KIF6: variants seen among roughly 807,000 people sequenced by gnomAD.
KIF6 encodes kinesin-like protein KIF6.
KIF6 carries 106 observed loss-of-function variants against 112.7 expected under a neutral mutation model. The ratio of observed to expected loss-of-function variants is 0.94; its 90% CI spans 0.80 to 1.11. The LOEUF (loss-of-function observed/expected upper bound fraction) is 1.11, where lower values mean the gene tolerates loss of function less well. KIF6 is among the 50% of genes least tolerant of loss of function. The pLI, the probability that KIF6 is intolerant of heterozygous loss-of-function variation, is 0.00. For synonymous variants in KIF6, 339 were observed against 339.9 expected, an observed-to-expected ratio of 1.00 and a Z score of 0.03; for missense variants, 929 against 964.0, an observed-to-expected ratio of 0.96 and a Z score of 0.48.
At position 39,717,649 on chromosome 6, in the gene KIF6, T is replaced by G. The variant is rs115770027; in HGVS notation, c.177-2883A>C. Among the ~76,000 whole-genome samples the G allele has an allele frequency of 4.4e-3, 674 of 152,240 alleles. 6 individuals are homozygous for G. The highest frequency in any genetic ancestry group is 0.016 in the African/African-American group (657 of 41,536). On this transcript the variant is annotated intron_variant, in intron 2 of 22. Transcript: ENST00000287152. ...TCTCCTCTATCTCCTCCCACTAAAA[T>G]GTAAGCTCCCTAAGAGCAGGAGCTT...
At chr6:39,344,162 G>C (rs143648728) in intron 21 of KIF6, among the ~76,000 whole-genome samples, 1 of 152,124 alleles carries the variant, frequency 6.6e-6, no homozygotes, top group Non-Finnish European at 1.5e-5. Context: ...TACTGTTCTC[G>C]TGGTAGTGAA....
chr6:39,449,125 G>A (rs544235707), intron 13 of KIF6, among the ~76,000 whole-genome samples: 1 of 152,198 alleles, frequency 6.6e-6, no homozygotes, highest in East Asian at 1.9e-4. Flanking sequence ...TTTCTTCTCT[G>A]GACTGTCTCC....
intron 13 of KIF6, among the ~76,000 whole-genome samples, chr6:39,465,544 A>T (rs750167524): frequency 1.3e-5 from 2 of 152,162 alleles, no homozygotes; most frequent in African/African-American, 2.4e-5. Flanking sequence ...CTCATGCCTA[A>T]ACTGCTGCAA....
At chr6:39,455,420 A>G (rs991757097) in intron 13 of KIF6, among the ~76,000 whole-genome samples, 1 of 151,846 alleles carries the variant, frequency 6.6e-6, no homozygotes, top group Non-Finnish European at 1.5e-5. Flanking sequence ...AAGATGGGGA[A>G]AAAACAGAAC....
intron 3 of KIF6, among the ~76,000 whole-genome samples, chr6:39,641,448 A>G (rs1376548919): frequency 6.6e-6 from 1 of 151,932 alleles, no homozygotes. Context: ...GAACATGAGA[A>G]CACATGGACA....
At chr6:39,383,736 T>C (rs1484398731) in intron 16 of KIF6, among the ~76,000 whole-genome samples, 1 of 152,238 alleles carries the variant, frequency 6.6e-6, no homozygotes, top group African/African-American at 2.4e-5. Flanking sequence ...GCATTGAAAC[T>C]GTAGATTGTT....
At position 39,540,346 on chromosome 6, in the gene KIF6, C is replaced by T. The variant is rs1260278107; in HGVS notation, c.1427-125G>A. ...TCATGTGGTAAAGACTGAAGGAAGG[C>T]TTCAACTTCCTGAAGCCCCATATAT... On this transcript the variant is annotated intron_variant, in intron 12 of 22. Coordinates refer to ENST00000287152, the MANE Select transcript of KIF6 (RefSeq NM_145027.6). 5 of 648,308 alleles carry T rather than the reference C, an allele frequency of 7.7e-6. No homozygotes were observed. The African/African-American group carries it at 9.1e-5, about 12-fold the overall frequency. The allele number at this position is 648,308 out of a possible 1,614,324, so 40.2% of individuals were successfully genotyped here. A position where few individuals can be genotyped will look rare whatever the true frequency, so the allele number is the denominator to read the frequency against.
At chr6:39,360,063 A>G (rs1765008793) in intron 18 of KIF6, among the ~76,000 whole-genome samples, 1 of 152,192 alleles carries the variant, frequency 6.6e-6, no homozygotes, top group South Asian at 2.1e-4. Context: ...TCACATATAT[A>G]TGACTATGAT....
intron 14 of KIF6, among the ~76,000 whole-genome samples, chr6:39,429,833 G>A (rs533130483): frequency 7.0e-4 from 107 of 152,066 alleles, no homozygotes; most frequent in African/African-American, 2.5e-3. Flanking sequence ...GCTTGAACCC[G>A]GGAGGTGGAG....
Position 39,383,510 on chromosome 6 carries a change from T to C in KIF6, c.1861+2112A>G, listed in dbSNP as rs541429497. Among the ~76,000 whole-genome samples, 3 of 152,326 alleles carry C rather than the reference T, an allele frequency of 2.0e-5. No individual in the cohort carries two copies. In the South Asian group the frequency reaches 6.2e-4, roughly 32 times the overall value. On this transcript the variant is annotated intron_variant, in intron 16 of 22. Transcript: ENST00000287152. ...TTTCAGGAGTCTTTGTCTTGTTCCATTGGTCTATATGTCTGGTTGTGTACT... is the reference window on the plus strand; with the variant it reads ...TTTCAGGAGTCTTTGTCTTGTTCCACTGGTCTATATGTCTGGTTGTGTACT...
At chr6:39,564,576 T>A (rs1780182841) in intron 10 of KIF6, among the ~76,000 whole-genome samples, 1 of 152,178 alleles carries the variant, frequency 6.6e-6, no homozygotes, top group Non-Finnish European at 1.5e-5. Flanking sequence ...GCCAAGCTTC[T>A]ACAAAAGAGC....
At chr6:39,471,853 C>T (rs1581928455) in intron 13 of KIF6, among the ~76,000 whole-genome samples, 3 of 152,256 alleles carry the variant, frequency 2.0e-5, no homozygotes, top group African/African-American at 7.2e-5. Context: ...TCAAGGAAAC[C>T]ATCTGGAATA....
intron 10 of KIF6, among the ~76,000 whole-genome samples, chr6:39,557,853 T>C (rs571661992): frequency 2.0e-5 from 3 of 151,352 alleles, no homozygotes; most frequent in Admixed American, 6.6e-5. Context: ...TTAAAATATA[T>C]ATTTATATGT....
At chr6:39,680,151 C>T (rs528178675) in intron 3 of KIF6, among the ~76,000 whole-genome samples, 8 of 152,002 alleles carry the variant, frequency 5.3e-5, no homozygotes, top group South Asian at 2.1e-4. Context: ...GGGATTACAG[C>T]GGCACACCAC....
At chr6:39,634,808 G>T in intron 5 of KIF6, 41 bp downstream of exon 5, 1 of 1,145,152 alleles carries the variant, frequency 8.7e-7, no homozygotes, top group Non-Finnish European at 1.3e-6. Context: ...GAGAACATCT[G>T]AAAGTAATTT....
At chr6:39,391,876 C>T (rs997229008) in intron 15 of KIF6, among the ~76,000 whole-genome samples, 20 of 151,944 alleles carry the variant, frequency 1.3e-4, no homozygotes, top group Non-Finnish European at 2.8e-4. Flanking sequence ...GGCAATGCCT[C>T]TCTGGTATGT....
chr6:39,354,736 A>G (rs900521626), intron 19 of KIF6, among the ~76,000 whole-genome samples: 4 of 152,220 alleles, frequency 2.6e-5, no homozygotes, highest in Admixed American at 2.6e-4. Context: ...CTGCCCCACC[A>G]TGCAATCAGC....
chr6:39,624,844 T>C (rs1250375248), intron 5 of KIF6, among the ~76,000 whole-genome samples: 3 of 152,160 alleles, frequency 2.0e-5, no homozygotes, highest in Admixed American at 1.3e-4. Flanking sequence ...TATTAGGCAA[T>C]GGTTGGTGAA....
chr6:39,517,830 A>G (rs994452510), intron 13 of KIF6, among the ~76,000 whole-genome samples: 2 of 152,236 alleles, frequency 1.3e-5, no homozygotes, highest in Non-Finnish European at 2.9e-5. Flanking sequence ...AGAACAACAG[A>G]CTGCCAAATC....
Sources: gnomAD v4.1 joint callset for allele counts (sites outside exome capture counted in the v4.1 genomes callset) on GRCh38, gnomAD v4.1.1 for gene constraint, MANE v1.5 for transcripts, NCBI Gene and HGNC (gene_info 2026-07-23, HGNC 2026-07-21) for gene names.